The following SLMAP variants were observed in gnomAD, a reference collection of about 807,000 sequenced individuals.
SLMAP encodes the protein sarcolemmal membrane-associated protein.
A neutral mutation model predicts 128.8 loss-of-function variants in SLMAP; 44 were observed. That is an observed-to-expected ratio of 0.34 (90% CI 0.27 to 0.44). The LOEUF (loss-of-function observed/expected upper bound fraction) is 0.44. Among genes scored for constraint, SLMAP ranks in the 20% least tolerant of loss-of-function variants. SLMAP has a pLI of 1.00. For synonymous variants in SLMAP, 327 were observed against 348.8 expected, an observed-to-expected ratio of 0.94 and a Z score of 0.70; for missense variants, 787 against 985.3, an observed-to-expected ratio of 0.80 and a Z score of 2.69.
chr3:57,875,426 G>C (rs535756142), intron 14 of SLMAP, among the ~76,000 whole-genome samples: 6 of 152,254 alleles, frequency 3.9e-5, no homozygotes, highest in African/African-American at 1.4e-4. Flanking sequence ...GAAGCAGGAG[G>C]ATCGCTTAAA....
chr3:57,817,037 G>A (rs1013070726), intron 2 of SLMAP, among the ~76,000 whole-genome samples: 1 of 152,190 alleles, frequency 6.6e-6, no homozygotes, highest in South Asian at 2.1e-4. Context: ...GACTTTGAAA[G>A]TCACAGCTCT....
chr3:57,906,093 C>T (rs1023117163), intron 17 of SLMAP, among the ~76,000 whole-genome samples: 5 of 137,790 alleles, frequency 3.6e-5, no homozygotes, highest in African/African-American at 1.3e-4. Flanking sequence ...TATATAATGA[C>T]AAATCCAGAA....
chr3:57,794,211 T>C (rs995039676), intron 2 of SLMAP, among the ~76,000 whole-genome samples: 1 of 152,206 alleles, frequency 6.6e-6, no homozygotes, highest in Non-Finnish European at 1.5e-5. Flanking sequence ...TGCATTTTAA[T>C]AGAACTTTCC....
chr3:57,776,942 A>C (rs2082068759), intron 2 of SLMAP, among the ~76,000 whole-genome samples: 1 of 152,028 alleles, frequency 6.6e-6, no homozygotes, highest in East Asian at 1.9e-4. Context: ...ATTAGCTTAA[A>C]ATCTCCTTAA....
intron 14 of SLMAP, among the ~76,000 whole-genome samples, chr3:57,884,654 A>G (rs1004412000): frequency 6.6e-6 from 1 of 152,108 alleles, no homozygotes; most frequent in African/African-American, 2.4e-5. Flanking sequence ...CAAAAAATGC[A>G]AAGAATCAGC....
intron 8 of SLMAP, among the ~76,000 whole-genome samples, chr3:57,859,786 C>T (rs116699822): frequency 0.017 from 2,546 of 152,174 alleles, 61 homozygotes; most frequent in African/African-American, 0.059. Flanking sequence ...AATGAGTGCA[C>T]TAAAACCCCA....
At chr3:57,807,360 T>A (rs1213238347) in intron 2 of SLMAP, among the ~76,000 whole-genome samples, 1 of 152,190 alleles carries the variant, frequency 6.6e-6, no homozygotes, top group Non-Finnish European at 1.5e-5. Context: ...AGAAGCATTC[T>A]TGTCTTGTGC....
intron 23 of SLMAP, among the ~76,000 whole-genome samples, chr3:57,924,281 T>C (rs2096963912): frequency 6.6e-6 from 1 of 152,210 alleles, no homozygotes; most frequent in Non-Finnish European, 1.5e-5. Context: ...TAACACTCAT[T>C]GTAGCAGTTT....
chr3:57,892,846 T>C (rs1182524761), intron 15 of SLMAP, among the ~76,000 whole-genome samples: 1 of 149,562 alleles, frequency 6.7e-6, no homozygotes, highest in East Asian at 2.0e-4. Flanking sequence ...TTTTTTTTTT[T>C]TTTTGGAGAT....
intron 2 of SLMAP, among the ~76,000 whole-genome samples, chr3:57,804,586 A>T (rs957058780): frequency 2.6e-5 from 4 of 152,102 alleles, no homozygotes; most frequent in East Asian, 1.9e-4. Context: ...TCTACAAAAA[A>T]TACAAAAGAT....
At chr3:57,858,322 A>C (rs1419583304) in intron 8 of SLMAP, among the ~76,000 whole-genome samples, 163 bp downstream of exon 8, 2 of 152,246 alleles carry the variant, frequency 1.3e-5, no homozygotes, top group Admixed American at 1.3e-4. Context: ...AAATAAAAAT[A>C]ATTACATAAT....
intron 18 of SLMAP, 86 bp downstream of exon 18, chr3:57,908,092 C>A: frequency 7.8e-7 from 1 of 1,280,786 alleles, no homozygotes; most frequent in Non-Finnish European, 1.1e-6. Context: ...AGTCCGGAGG[C>A]ATGTTCCAGA....
At chr3:57,759,047 A>C (rs2078112419) in intron 2 of SLMAP, among the ~76,000 whole-genome samples, 1 of 152,248 alleles carries the variant, frequency 6.6e-6, no homozygotes. Context: ...TTCGGCAGCT[A>C]CTGATTTAAG....
At position 57,784,855 on chromosome 3, in the gene SLMAP, G is replaced by A. The variant is rs533663236; in HGVS notation, c.198+27006G>A. On this transcript the variant is annotated intron_variant, in intron 2 of 24. Transcript: ENST00000671191. Reference sequence around the variant, plus strand: ...ATTAATGTTGTTATCTTGGGAGTGGGTTTGTTATAGAAGTGAGTTCTGTCC... The same window carrying A: ...ATTAATGTTGTTATCTTGGGAGTGGATTTGTTATAGAAGTGAGTTCTGTCC... Among the ~76,000 whole-genome samples the A allele has an allele frequency of 1.3e-4, 20 of 152,170 alleles. No individual in the cohort carries two copies. In the South Asian group the frequency reaches 3.5e-3, roughly 27 times the overall value.
At chr3:57,857,969 A>G (rs1451297592) in intron 7 of SLMAP, 119 bp from the exon 8 acceptor site, 1 of 915,402 alleles carries the variant, frequency 1.1e-6, no homozygotes, top group South Asian at 1.5e-5. Flanking sequence ...AGCATTTTAC[A>G]GTGGATGCTG....
intron 2 of SLMAP, among the ~76,000 whole-genome samples, chr3:57,794,925 G>A (rs1028449650): frequency 6.6e-6 from 1 of 152,194 alleles, no homozygotes; most frequent in East Asian, 1.9e-4. Flanking sequence ...GTGTTCAGCT[G>A]TCTTGGGTAC....
intron 17 of SLMAP, chr3:57,897,144 G>A (rs907135866): frequency 1.1e-4 from 144 of 1,308,910 alleles, no homozygotes; most frequent in Non-Finnish European, 7.7e-5. Context: ...TCAAGATTAC[G>A]AGGGACAAAG....
At chr3:57,782,243 C>T (rs2083237480) in intron 2 of SLMAP, among the ~76,000 whole-genome samples, 1 of 152,162 alleles carries the variant, frequency 6.6e-6, no homozygotes, top group Non-Finnish European at 1.5e-5. Context: ...CCAAATCTTT[C>T]CAGCATCTCC....
intron 2 of SLMAP, among the ~76,000 whole-genome samples, chr3:57,803,752 G>A (rs1397918722): frequency 6.6e-6 from 1 of 152,164 alleles, no homozygotes; most frequent in East Asian, 1.9e-4. Context: ...AGAGCTGCAT[G>A]CTTGCTCTGC....
Sources: gnomAD v4.1 joint callset for allele counts (sites outside exome capture counted in the v4.1 genomes callset) on GRCh38, gnomAD v4.1.1 for gene constraint, MANE v1.5 for transcripts, NCBI Gene and HGNC (gene_info 2026-07-23, HGNC 2026-07-21) for gene names.